The following WDFY4 variants were observed in gnomAD, a reference collection of about 807,000 sequenced individuals.
The protein encoded by WDFY4 is WD repeat- and FYVE domain-containing protein 4.
Under a neutral mutation model 351.9 loss-of-function variants are expected in WDFY4, and 169 were observed. The ratio of observed to expected loss-of-function variants is 0.48; its 90% confidence interval spans 0.42 to 0.55. The LOEUF (loss-of-function observed/expected upper bound fraction) is 0.55. Ranked by LOEUF, WDFY4 falls within the 20% of genes least tolerant of loss-of-function variation. The probability of loss-of-function intolerance (pLI) is 0.00; values close to 1 mark genes in which losing one functional copy is unlikely to be tolerated. For missense variants in WDFY4, 3,803 were observed against 3,935.6 expected (o/e 0.97, Z 0.90); for synonymous variants, 1,622 against 1,574.6 (o/e 1.03, Z -0.71).
intron 57 of WDFY4, among the ~76,000 whole-genome samples, chr10:48,974,529 A>AACAACAAAAAAAAAC (rs1842479129): frequency 2.8e-5 from 1 of 35,700 alleles, no homozygotes; most frequent in African/African-American, 4.5e-5. Context: ...AAAAAAAAAA[A>AACAACAAAAAAAAAC]CAACTCATGA....
chr10:48,888,680 G>T (rs7079270), intron 43 of WDFY4, among the ~76,000 whole-genome samples: 2 of 152,150 alleles, frequency 1.3e-5, no homozygotes, highest in Non-Finnish European at 2.9e-5. Flanking sequence ...ACCACTTTCT[G>T]TTCCCCAAAT....
intron 37 of WDFY4, among the ~76,000 whole-genome samples, chr10:48,830,285 G>A (rs2068145396): frequency 6.6e-6 from 1 of 152,178 alleles, no homozygotes; most frequent in South Asian, 2.1e-4. Context: ...TCCCCTGAGA[G>A]GTCAACATGT....
chr10:48,768,722 GAAGA>G (rs1565175965), intron 13 of WDFY4, among the ~76,000 whole-genome samples: 1 of 91,412 alleles, frequency 1.1e-5, no homozygotes, highest in African/African-American at 4.7e-5. Context: ...TGGGAGAGGA[GAAGA>G]GAGAGAGAGA....
At position 48,823,870 on chromosome 10, in the gene WDFY4, G is replaced by A. The variant is rs1312880580; in HGVS notation, c.5982+1333G>A. The A allele has an allele frequency of 3.2e-5, 32 of 985,958 alleles. 1 individual carries two copies. In the South Asian group the frequency reaches 1.2e-3, roughly 36 times the overall value. 61.1% of individuals were successfully genotyped at this position (985,958 alleles called of 1,614,324 possible). ...CTGTTTGAGACCCATCTGAGGAGCA[G>A]GAGAGGAACATGATAAAGAAATGAA... On this transcript the variant is annotated intron_variant, in intron 35 of 61. Transcript: ENST00000325239.
At chr10:48,750,085 G>A (rs1349822858) in intron 12 of WDFY4, among the ~76,000 whole-genome samples, 1 of 152,246 alleles carries the variant, frequency 6.6e-6, no homozygotes, top group Admixed American at 6.5e-5. Flanking sequence ...TGGCTCTGCT[G>A]CTGGGCATCC....
At chr10:48,732,241 A>C (rs529341908) in intron 9 of WDFY4, among the ~76,000 whole-genome samples, 1 of 152,066 alleles carries the variant, frequency 6.6e-6, no homozygotes, top group Non-Finnish European at 1.5e-5. Context: ...GAGTCACTCT[A>C]TGTGGTGGTC....
At chr10:48,822,635 G>T in intron 35 of WDFY4, 98 bp downstream of exon 35, 1 of 1,335,714 alleles carries the variant, frequency 7.5e-7, no homozygotes, top group East Asian at 2.8e-5. Context: ...TCCCTCCCTG[G>T]AGTAGAATCT....
At chr10:48,834,804 T>A (rs574895420) in intron 39 of WDFY4, among the ~76,000 whole-genome samples, 1 of 152,332 alleles carries the variant, frequency 6.6e-6, no homozygotes, top group Admixed American at 6.5e-5. Context: ...AATGCCCTTC[T>A]CCCTTCCCCT....
chr10:48,855,376 T>G (rs1229243717), intron 39 of WDFY4, among the ~76,000 whole-genome samples: 2 of 152,124 alleles, frequency 1.3e-5, no homozygotes, highest in African/African-American at 4.8e-5. Context: ...AAATTAGTTT[T>G]CCATATATTA....
At position 48,810,746 on chromosome 10, in the gene WDFY4, G is replaced by T; in HGVS notation, c.5044+11G>T. On this transcript the variant is annotated intron_variant, in intron 29 of 61. Transcript: ENST00000325239. The stretch of plus-strand genomic sequence containing the variant: ...TGGATATTGTAATGGGTGAGCACGT[G>T]GCTGTCTCCAGGGAGTGGGGCACCA... 1 of 1,511,512 alleles carries T rather than the reference G, an allele frequency of 6.6e-7. No homozygotes were observed. Among genetic ancestry groups the T allele is most frequent in the South Asian group, 1.3e-5 (1 of 77,868 alleles). The allele number at this position is 1,511,512 out of a possible 1,614,324, so 93.6% of individuals were successfully genotyped here.
chr10:48,814,154 AC>A, intron 31 of WDFY4, 72 bp downstream of exon 31: 1 of 1,444,288 alleles, frequency 6.9e-7, no homozygotes, highest in Non-Finnish European at 9.2e-7. Context: ...GGTCACCTTG[AC>A]TTTTCTCTTA....
Position 48,949,476 on chromosome 10 carries a change from A to G in WDFY4, c.7977+2507A>G, listed in dbSNP as rs73298907. Reference sequence around the variant, plus strand: ...TAAGAATATTCTGGCATCTTCTTGAAGTCAGGCTCTTCCCTCCATCCCATC... The same window carrying G: ...TAAGAATATTCTGGCATCTTCTTGAGGTCAGGCTCTTCCCTCCATCCCATC... On this transcript the variant is annotated intron_variant, in intron 51 of 61. Coordinates refer to ENST00000325239, the MANE Select transcript of WDFY4 (RefSeq NM_001394531.1). 2.0e-3 allele frequency among the ~76,000 whole-genome samples: 300 copies of G among 152,252 alleles called. 1 individual carries two copies. Among genetic ancestry groups the G allele is most frequent in the Middle Eastern group, 6.8e-3 (2 of 294 alleles).
chr10:48,747,845 G>C (rs2065061321), intron 12 of WDFY4, among the ~76,000 whole-genome samples: 1 of 152,148 alleles, frequency 6.6e-6, no homozygotes. Context: ...TCCCTTGTAT[G>C]ATGTCTGATT....
intron 2 of WDFY4, among the ~76,000 whole-genome samples, chr10:48,712,394 A>C (rs544603502): frequency 1.8e-4 from 28 of 152,358 alleles, no homozygotes; most frequent in African/African-American, 6.5e-4. Context: ...TCCTGTCGCC[A>C]GGATTCCCTA....
intron 47 of WDFY4, among the ~76,000 whole-genome samples, chr10:48,912,595 C>T (rs1838106394): frequency 2.0e-5 from 3 of 152,208 alleles, no homozygotes. Context: ...CAAGCTTTCC[C>T]CAAAGGGACA....
At chr10:48,851,700 C>T (rs1032426721) in intron 39 of WDFY4, among the ~76,000 whole-genome samples, 1 of 152,244 alleles carries the variant, frequency 6.6e-6, no homozygotes, top group African/African-American at 2.4e-5. Context: ...TGACTGTCAT[C>T]AGTGGTTAGC....
At chr10:48,691,373 C>G (rs2063190833) in intron 1 of WDFY4, among the ~76,000 whole-genome samples, 1 of 152,282 alleles carries the variant, frequency 6.6e-6, no homozygotes, top group Middle Eastern at 3.4e-3. Flanking sequence ...GGGCACCACT[C>G]CCACTTTCCA....
intron 51 of WDFY4, among the ~76,000 whole-genome samples, chr10:48,948,432 A>G (rs1053475516): frequency 2.0e-5 from 3 of 152,178 alleles, no homozygotes; most frequent in South Asian, 2.1e-4. Context: ...ACTGGTTTCT[A>G]TCCTGGGAAT....
intron 13 of WDFY4, among the ~76,000 whole-genome samples, chr10:48,773,737 G>A (rs1479807327): frequency 6.6e-6 from 1 of 152,212 alleles, no homozygotes; most frequent in Non-Finnish European, 1.5e-5. Flanking sequence ...AGTGGCTTCA[G>A]CAAACGCTTC....
Sources: allele counts gnomAD v4.1 joint callset (sites outside exome capture counted in the v4.1 genomes callset), GRCh38; gene constraint gnomAD v4.1.1; transcripts MANE v1.5; gene names NCBI Gene and HGNC (gene_info 2026-07-23, HGNC 2026-07-21).